The following CDH11 variants were observed in gnomAD, a reference collection of about 807,000 sequenced individuals.
The protein encoded by CDH11 is cadherin 11.
In CDH11, 11 loss-of-function variants were observed where a neutral mutation model predicts 67.8. The observed-to-expected ratio is 0.16, with a 90% CI of 0.10 to 0.27. CDH11 has a LOEUF of 0.27. Among genes scored for constraint, CDH11 ranks in the 10% least tolerant of loss-of-function variants. The pLI, the probability that CDH11 is intolerant of heterozygous loss-of-function variation, is 1.00. For synonymous variants in CDH11, 419 were observed against 400.0 expected (o/e 1.05, Z -0.57); for missense variants, 847 against 1,031.2 (o/e 0.82, Z 2.45).
chr16:64,982,378 G>A (rs2072377194), intron 7 of CDH11, 77 bp from the exon 8 acceptor site: 1 of 1,154,562 alleles, frequency 8.7e-7, no homozygotes, highest in Admixed American at 2.1e-5. Context: ...TTGTTTTATA[G>A]GGACGAGTGA....
At chr16:65,011,962 T>C (rs2073193248) in intron 2 of CDH11, among the ~76,000 whole-genome samples, 1 of 152,218 alleles carries the variant, frequency 6.6e-6, no homozygotes, top group South Asian at 2.1e-4. Context: ...TTTATTTGTC[T>C]GTTCCTTCAC....
intron 1 of CDH11, among the ~76,000 whole-genome samples, chr16:65,091,102 C>A (rs1383364678): frequency 6.6e-6 from 1 of 152,148 alleles, no homozygotes; most frequent in Non-Finnish European, 1.5e-5. Flanking sequence ...AATTCAATGG[C>A]CTACCTTGTA....
rs377132363 is a variant in CDH11, at chr16:65,096,406, GGTGT to G, written c.-298+25470_-298+25473del. Among the ~76,000 whole-genome samples, 452 of 133,946 alleles carry G rather than the reference GGTGT, an allele frequency of 3.4e-3. 1 individual carries two copies. The highest frequency in any genetic ancestry group is 7.7e-3 in the African/African-American group (274 of 35,740). 87.9% of individuals were successfully genotyped at this position (133,946 alleles called of 152,430 possible). On this transcript the variant is annotated intron_variant, in intron 1 of 12. Coordinates refer to ENST00000268603, the MANE Select transcript of CDH11 (RefSeq NM_001797.4). ...CAATCTCTTACCATAAATCTTTCGG[GGTGT>G]GTGTGTGTGTGTGTGTGTGTGTGTG...
At chr16:65,053,023 A>G (rs1193869438) in intron 2 of CDH11, among the ~76,000 whole-genome samples, 2 of 152,176 alleles carry the variant, frequency 1.3e-5, no homozygotes, top group Non-Finnish European at 2.9e-5. Context: ...TTTGACGTAC[A>G]TATTTAAGTC....
At chr16:65,064,540 G>A (rs1329763553) in intron 1 of CDH11, among the ~76,000 whole-genome samples, 1 of 152,182 alleles carries the variant, frequency 6.6e-6, no homozygotes, top group Non-Finnish European at 1.5e-5. Context: ...GACAATAAAT[G>A]GGGGAAATGG....
chr16:65,025,397 C>T (rs1054694209), intron 2 of CDH11, among the ~76,000 whole-genome samples: 4 of 152,136 alleles, frequency 2.6e-5, no homozygotes, highest in Non-Finnish European at 4.4e-5. Flanking sequence ...AGTGCAGTGG[C>T]GCGATCTTGG....
intron 1 of CDH11, among the ~76,000 whole-genome samples, chr16:65,100,737 CAAA>C (rs34745214): frequency 8.6e-5 from 8 of 93,008 alleles, no homozygotes; most frequent in Admixed American, 2.3e-4. Flanking sequence ...GACTCTGTCT[CAAA>C]AAAAAAAAAA....
In CDH11 at chr16:64,947,478, C is replaced by T; in HGVS notation, c.*125G>A. 1.3e-6 allele frequency: 2 copies of T among 1,493,190 alleles called. No homozygotes were observed. Among genetic ancestry groups the T allele is most frequent in the Non-Finnish European group, 1.8e-6 (2 of 1,123,356 alleles). 92.5% of individuals were successfully genotyped at this position (1,493,190 alleles called of 1,614,324 possible). A position where few individuals can be genotyped will look rare whatever the true frequency, so the allele number is the denominator to read the frequency against. On this transcript the variant is annotated 3_prime_UTR_variant, in exon 13 of 13. Coordinates refer to ENST00000268603, the MANE Select transcript of CDH11 (RefSeq NM_001797.4). ...CTCGCAGTTTTATTAAATGTATCCT[C>T]TCTGTAAAACTTTGCCTGTTTTAAA...
intron 2 of CDH11, among the ~76,000 whole-genome samples, chr16:65,024,133 A>G (rs1369581934): frequency 6.6e-6 from 1 of 152,112 alleles, no homozygotes; most frequent in Non-Finnish European, 1.5e-5. Flanking sequence ...ATGACACTGT[A>G]CTTTTGTGAA....
In CDH11 at chr16:64,944,994, A is replaced by G. The variant is rs2071169783; in HGVS notation, c.*2609T>C. 4.7e-6 allele frequency: 1 copy of G among 211,054 alleles called. No individual in the cohort carries two copies. The highest frequency in any genetic ancestry group is 1.9e-4 in the South Asian group (1 of 5,330). The allele number at this position is 211,054 out of a possible 1,614,324, so 13.1% of individuals were successfully genotyped here. A position where few individuals can be genotyped will look rare whatever the true frequency, so the allele number is the denominator to read the frequency against. ...TAGTAAGATTCATTCTGAATCCTCC[A>G]GTAAGTGGAACAGGGTTTATAAAAT... On this transcript the variant is annotated 3_prime_UTR_variant, in exon 13 of 13. Transcript: ENST00000268603.
rs2072635795 is a variant in CDH11 at position 64,991,840 on chromosome 16, C to T, written c.739G>A (p.Gly247Arg). 2 of 1,613,808 alleles carry T rather than the reference C, an allele frequency of 1.2e-6. No individual in the cohort carries two copies. The highest frequency in any genetic ancestry group is 1.7e-6 in the Non-Finnish European group (2 of 1,179,792). The stretch of plus-strand genomic sequence containing the variant: ...GTCACTTTGGTTGTCCCTGAGAGTC[C>T]GCCCATATGTCCACCCATGTCCTTG... ...QAKDMGGHMG[G>R]LSGTTKVTIT... Residue 247 changes from glycine (G) to arginine (R), a missense_variant, in exon 6 of 13, where the codon GGA becomes AGA. This residue lies in a region of CDH11 where 235 missense variants were observed against 352.5 expected (regional missense o/e 0.67). Transcript: ENST00000268603.
In CDH11 at chr16:65,079,235, G is replaced by A. The variant is rs546804539; in HGVS notation, c.-297-25307C>T. On this transcript the variant is annotated intron_variant, in intron 1 of 12. Coordinates refer to ENST00000268603, the MANE Select transcript of CDH11 (RefSeq NM_001797.4). ...TGGGACGGAACACTTGCTACAGGGCGGCTGACCAAGAAAACCTCTATGACA... is the reference window on the plus strand; with the variant it reads ...TGGGACGGAACACTTGCTACAGGGCAGCTGACCAAGAAAACCTCTATGACA... Among the ~76,000 whole-genome samples, 4 of 152,240 alleles carry A rather than the reference G, an allele frequency of 2.6e-5. No homozygotes were observed. The East Asian group carries it at 5.8e-4, about 22-fold the overall frequency.
chr16:65,067,992 G>C (rs1479857625), intron 1 of CDH11, among the ~76,000 whole-genome samples: 1 of 57,516 alleles, frequency 1.7e-5, no homozygotes, highest in Non-Finnish European at 4.9e-5. Flanking sequence ...GGAAGGGAGG[G>C]AGGGAAGAAG....
chr16:64,981,763 T>A, intron 8 of CDH11: 1 of 310,806 alleles, frequency 3.2e-6, no homozygotes. Flanking sequence ...TTCCCCACAG[T>A]CCCCTGAGGC....
intron 1 of CDH11, among the ~76,000 whole-genome samples, chr16:65,057,115 T>C (rs1277820473): frequency 6.6e-6 from 1 of 152,202 alleles, no homozygotes. Flanking sequence ...GGAGCTAAGA[T>C]GGCTGTGCGG....
intron 1 of CDH11, among the ~76,000 whole-genome samples, chr16:65,070,426 G>A (rs2074395995): frequency 6.6e-6 from 1 of 152,116 alleles, no homozygotes. Context: ...CCCTGTAATT[G>A]AACGTGTGAC....
chr16:64,965,254 C>T (rs1395428652), intron 11 of CDH11, among the ~76,000 whole-genome samples: 1 of 145,092 alleles, frequency 6.9e-6, no homozygotes. Context: ...TGCTGGCGGG[C>T]GCCTGTAATC....
intron 11 of CDH11, 97 bp from the exon 12 acceptor site, chr16:64,951,115 A>G: frequency 8.1e-7 from 1 of 1,229,864 alleles, no homozygotes; most frequent in Non-Finnish European, 1.1e-6. Context: ...CTCTTATCAT[A>G]AAGGTTAACC....
At chr16:65,020,812 T>C (rs1465303826) in intron 2 of CDH11, among the ~76,000 whole-genome samples, 2 of 152,138 alleles carry the variant, frequency 1.3e-5, no homozygotes, top group African/African-American at 4.8e-5. Flanking sequence ...CAGAAGAAGA[T>C]CTAGTAGCTG....
Sources: allele counts gnomAD v4.1 joint callset (sites outside exome capture counted in the v4.1 genomes callset), GRCh38; gene constraint gnomAD v4.1.1; regional missense constraint gnomAD v4.1.1; transcripts MANE v1.5; gene names NCBI Gene and HGNC (gene_info 2026-07-23, HGNC 2026-07-21).